The following ARHGAP19 variants were observed in gnomAD, a reference collection of about 807,000 sequenced individuals.
ARHGAP19 encodes rho GTPase-activating protein 19.
Under a neutral mutation model 60.9 loss-of-function variants are expected in ARHGAP19, and 48 were observed. The ratio of observed to expected loss-of-function variants is 0.79; its 90% confidence interval spans 0.62 to 1.00. The LOEUF (loss-of-function observed/expected upper bound fraction) is 1.00, where lower values mean the gene tolerates loss of function less well. Ranked by LOEUF, ARHGAP19 falls within the 50% of genes least tolerant of loss-of-function variation. The probability of loss-of-function intolerance (pLI) is 0.00; values close to 1 mark genes in which losing one functional copy is unlikely to be tolerated. For synonymous variants in ARHGAP19, 209 were observed against 215.5 expected (o/e 0.97, Z 0.27); for missense variants, 562 against 597.2 (o/e 0.94, Z 0.61).
chr10:97,281,367 C>T (rs1179003311), intron 1 of ARHGAP19, among the ~76,000 whole-genome samples: 1 of 152,136 alleles, frequency 6.6e-6, no homozygotes, highest in Non-Finnish European at 1.5e-5. Flanking sequence ...TGCCCCTGCA[C>T]GCCAGCCTGA....
intron 2 of ARHGAP19, 144 bp from the exon 3 acceptor site, chr10:97,265,050 G>A: frequency 3.2e-6 from 2 of 633,326 alleles, no homozygotes; most frequent in Non-Finnish European, 2.7e-6. Context: ...AACTGGAAGT[G>A]CACCAGAAAA....
At chr10:97,281,610 T>C (rs919277085) in intron 1 of ARHGAP19, among the ~76,000 whole-genome samples, 6 of 152,164 alleles carry the variant, frequency 3.9e-5, no homozygotes, top group Non-Finnish European at 7.4e-5. Context: ...TTTACGGTAT[T>C]GTAAGGTATA....
intron 1 of ARHGAP19, among the ~76,000 whole-genome samples, chr10:97,280,066 T>C (rs1010289671): frequency 6.6e-6 from 1 of 152,160 alleles, no homozygotes; most frequent in African/African-American, 2.4e-5. Flanking sequence ...CCTTAATTTT[T>C]CTCCCTCATG....
At chr10:97,232,829 G>A (rs1035054350) in intron 9 of ARHGAP19, among the ~76,000 whole-genome samples, 1 of 152,080 alleles carries the variant, frequency 6.6e-6, no homozygotes, top group African/African-American at 2.4e-5. Context: ...AAAGCAGGAG[G>A]ATCACTTGAG....
chr10:97,267,227 C>G (rs985991039), intron 1 of ARHGAP19, among the ~76,000 whole-genome samples: 2 of 152,216 alleles, frequency 1.3e-5, no homozygotes, highest in African/African-American at 4.8e-5. Flanking sequence ...TGAAATCCAA[C>G]AAGGCAGTAA....
At chr10:97,238,883 G>C (rs1369774675) in intron 8 of ARHGAP19, among the ~76,000 whole-genome samples, 1 of 152,120 alleles carries the variant, frequency 6.6e-6, no homozygotes, top group Non-Finnish European at 1.5e-5. Flanking sequence ...AATCCTGCAA[G>C]CTCCATTCAT....
Position 97,256,420 on chromosome 10 carries a change from G to GA in ARHGAP19, c.841-17dup. 1 of 1,578,096 alleles carries GA rather than the reference G, an allele frequency of 6.3e-7. No individual in the cohort carries two copies. Among genetic ancestry groups the GA allele is most frequent in the Non-Finnish European group, 8.7e-7 (1 of 1,147,640 alleles). ...TTGCAGTGACCTATTCAGAGGAAAA[G>GA]AAACCAAACAATGGACATTAAGAGC... On this transcript the variant is annotated splice_polypyrimidine_tract_variant and intron_variant, in intron 5 of 11. Coordinates refer to ENST00000358531, the MANE Select transcript of ARHGAP19 (RefSeq NM_032900.6).
chr10:97,238,044 G>A (rs1842410004), intron 8 of ARHGAP19, among the ~76,000 whole-genome samples: 1 of 151,818 alleles, frequency 6.6e-6, no homozygotes, highest in Admixed American at 6.6e-5. Flanking sequence ...CTTTCAGGAG[G>A]TATTCTAGAA....
chr10:97,279,170 T>C (rs567478933), intron 1 of ARHGAP19, among the ~76,000 whole-genome samples: 1 of 152,254 alleles, frequency 6.6e-6, no homozygotes, highest in East Asian at 1.9e-4. Context: ...GCCAGTATCA[T>C]GAAAGCTGTA....
intron 1 of ARHGAP19, among the ~76,000 whole-genome samples, chr10:97,285,080 G>T (rs1352319280): frequency 2.6e-5 from 4 of 151,718 alleles, no homozygotes; most frequent in African/African-American, 9.7e-5. Context: ...GGCCAGGCTG[G>T]TCTTAAACTC....
intron 11 of ARHGAP19, 73 bp from the exon 12 acceptor site, chr10:97,226,205 G>A: frequency 6.8e-7 from 1 of 1,481,116 alleles, no homozygotes; most frequent in Non-Finnish European, 9.4e-7. Flanking sequence ...CCACTCAAAA[G>A]CTACAGGGTC....
chr10:97,288,458 T>G lies in ARHGAP19; in HGVS notation c.56+4114A>C, dbSNP rs1186532385. On this transcript the variant is annotated intron_variant, in intron 1 of 11. Transcript: ENST00000358531. ...AGTTGAGCGTGCTGGCACACGCCTG[T>G]AGTCCCAGCTACTTGGGAGGCTAAG... 3.3e-5 allele frequency among the ~76,000 whole-genome samples: 5 copies of G among 151,984 alleles called. No individual in the cohort carries two copies. The East Asian group carries it at 9.8e-4, about 30-fold the overall frequency.
At chr10:97,227,316 C>G (rs996778798) in intron 11 of ARHGAP19, among the ~76,000 whole-genome samples, 1 of 152,054 alleles carries the variant, frequency 6.6e-6, no homozygotes, top group African/African-American at 2.4e-5. Flanking sequence ...TGGAGACTGC[C>G]AATGTCTGAA....
intron 1 of ARHGAP19, among the ~76,000 whole-genome samples, chr10:97,283,774 T>A (rs1174934489): frequency 2.1e-5 from 3 of 141,354 alleles, no homozygotes; most frequent in Non-Finnish European, 4.5e-5. Flanking sequence ...GTGGGAGGAG[T>A]ACATGAGCCC....
chr10:97,273,092 G>A (rs906084671), intron 1 of ARHGAP19, among the ~76,000 whole-genome samples: 4 of 151,898 alleles, frequency 2.6e-5, no homozygotes, highest in African/African-American at 4.8e-5. Context: ...CGCCCGCCTC[G>A]GCCTCCCAAA....
At chr10:97,245,680 A>G (rs1431593094) in intron 7 of ARHGAP19, among the ~76,000 whole-genome samples, 1 of 151,812 alleles carries the variant, frequency 6.6e-6, no homozygotes, top group Admixed American at 6.6e-5. Context: ...ATCTAAGCTC[A>G]TGTGGTCTCA....
intron 6 of ARHGAP19, among the ~76,000 whole-genome samples, chr10:97,251,230 A>G (rs1195364856): frequency 4.9e-5 from 1 of 20,524 alleles, no homozygotes; most frequent in African/African-American, 2.3e-4. Flanking sequence ...TGGAAGGGGA[A>G]GGGAAGGGGA....
Position 97,266,058 on chromosome 10 carries a change from G to A in ARHGAP19, c.124C>T (p.Pro42Ser), listed in dbSNP as rs1374502173. 1.9e-6 allele frequency: 3 copies of A among 1,614,032 alleles called. No homozygotes were observed. The highest frequency in any genetic ancestry group is 2.2e-5 in the East Asian group (1 of 44,896). The change falls in exon 2 of 12, where the codon CCT (proline) becomes TCT (serine). Residue 42 changes from proline to serine, a missense_variant. Coordinates refer to ENST00000358531, the MANE Select transcript of ARHGAP19 (RefSeq NM_032900.6). ...SLRGQPIIFN[P>S]DFFVEKLRHE... Reference sequence around the variant, plus strand: ...CGGAGTTTCTCCACAAAAAAGTCAGGATTAAAGATAATGGGCTGACCTCGA... The same window carrying A: ...CGGAGTTTCTCCACAAAAAAGTCAGAATTAAAGATAATGGGCTGACCTCGA...
intron 1 of ARHGAP19, among the ~76,000 whole-genome samples, chr10:97,283,205 T>C (rs186299796): frequency 3.3e-5 from 5 of 152,186 alleles, no homozygotes; most frequent in Admixed American, 6.5e-5. Flanking sequence ...TAGCAAAACA[T>C]CAGCACAAAA....
Sources: gnomAD v4.1 joint callset for allele counts (sites outside exome capture counted in the v4.1 genomes callset) on GRCh38, gnomAD v4.1.1 for gene constraint, MANE v1.5 for transcripts, NCBI Gene and HGNC (gene_info 2026-07-23, HGNC 2026-07-21) for gene names.